Variants in SLC24A2 observed in about 807,000 individuals in gnomAD.
The protein encoded by SLC24A2 is solute carrier family 24 member 2, also known as sodium/potassium/calcium exchanger 2.
In SLC24A2, 36 loss-of-function variants were observed where a neutral mutation model predicts 62.0. The observed-to-expected ratio is 0.58, with a 90% CI of 0.44 to 0.77. The LOEUF is 0.77. SLC24A2 is among the 30% of genes least tolerant of loss of function. The pLI is 0.00. For synonymous variants in SLC24A2, 358 were observed against 294.0 expected, an observed-to-expected ratio of 1.22 and a Z score of -2.23; for missense variants, 846 against 817.9, an observed-to-expected ratio of 1.03 and a Z score of -0.42.
At chr9:20,194,406 T>A in the SLC24A2 span, among the ~76,000 whole-genome samples, 2 of 152,124 alleles carry the variant, frequency 1.3e-5, no homozygotes, top group Admixed American at 6.6e-5. Flanking sequence ...AAGATTACTG[T>A]ACACATTCAG....
chr9:19,535,277 A>G (rs1833903519), intron 8 of SLC24A2, among the ~76,000 whole-genome samples: 1 of 152,170 alleles, frequency 6.6e-6, no homozygotes, highest in African/African-American at 2.4e-5. Flanking sequence ...GATAGATTGC[A>G]AAATTTTTCT....
At chr9:19,724,603 T>C (rs920374383) in intron 2 of SLC24A2, among the ~76,000 whole-genome samples, 5 of 152,168 alleles carry the variant, frequency 3.3e-5, no homozygotes, top group African/African-American at 4.8e-5. Flanking sequence ...TTCAGTAAAA[T>C]AATGCCAAGT....
chr9:19,951,367 C>A, the SLC24A2 span, among the ~76,000 whole-genome samples: 1 of 151,832 alleles, frequency 6.6e-6, no homozygotes, highest in African/African-American at 2.4e-5. Flanking sequence ...CAAAGTCCAA[C>A]TTACCAATTG....
At chr9:19,939,969 C>T in the SLC24A2 span, among the ~76,000 whole-genome samples, 1 of 152,230 alleles carries the variant, frequency 6.6e-6, no homozygotes, top group Non-Finnish European at 1.5e-5. Context: ...TTTTTCTCCA[C>T]CCCAGGCTTT....
At chr9:20,149,303 A>C in the SLC24A2 span, among the ~76,000 whole-genome samples, 1 of 151,988 alleles carries the variant, frequency 6.6e-6, no homozygotes, top group Non-Finnish European at 1.5e-5. Flanking sequence ...AGGCACAACC[A>C]CTGTAATAAT....
chr9:19,861,770 G>T, the SLC24A2 span, among the ~76,000 whole-genome samples: 4 of 152,054 alleles, frequency 2.6e-5, no homozygotes, highest in Non-Finnish European at 5.9e-5. Flanking sequence ...CAGAAATTCT[G>T]GAGTTGAAAA....
At chr9:19,676,030 G>C (rs985647739) in intron 2 of SLC24A2, among the ~76,000 whole-genome samples, 1 of 152,144 alleles carries the variant, frequency 6.6e-6, no homozygotes, top group Non-Finnish European at 1.5e-5. Flanking sequence ...TGGGGACCAA[G>C]AGCCCATAGG....
intron 2 of SLC24A2, among the ~76,000 whole-genome samples, chr9:19,696,002 T>C (rs1480266979): frequency 1.3e-5 from 2 of 152,178 alleles, no homozygotes; most frequent in African/African-American, 4.8e-5. Flanking sequence ...GTCTGTGGCC[T>C]GTTAAGAACC....
chr9:20,251,980 A>T, the SLC24A2 span, among the ~76,000 whole-genome samples: 1 of 152,200 alleles, frequency 6.6e-6, no homozygotes, highest in African/African-American at 2.4e-5. Context: ...AGACTTTGCC[A>T]CATGCTTCAC....
the SLC24A2 span, among the ~76,000 whole-genome samples, chr9:19,844,844 C>T: frequency 6.6e-6 from 1 of 152,062 alleles, no homozygotes; most frequent in East Asian, 1.9e-4. Flanking sequence ...AGCTTTATTT[C>T]TGGGTTCTCT....
the SLC24A2 span, among the ~76,000 whole-genome samples, chr9:20,276,528 G>A: frequency 6.6e-6 from 1 of 152,198 alleles, no homozygotes; most frequent in African/African-American, 2.4e-5. Flanking sequence ...CCAGGTACAT[G>A]GTGAAAGCTG....
the SLC24A2 span, among the ~76,000 whole-genome samples, chr9:19,981,454 T>A: frequency 3.9e-5 from 6 of 152,182 alleles, no homozygotes; most frequent in African/African-American, 1.2e-4. Context: ...CAATGGTCAA[T>A]TCTGTGTGTT....
chr9:19,774,445 C>T (rs1244819916), intron 2 of SLC24A2, among the ~76,000 whole-genome samples: 5 of 152,132 alleles, frequency 3.3e-5, no homozygotes, highest in Non-Finnish European at 7.4e-5. Context: ...TCGGCCGTCT[C>T]GGAAAACTAA....
chr9:20,096,332 T>A, the SLC24A2 span, among the ~76,000 whole-genome samples: 1 of 152,202 alleles, frequency 6.6e-6, no homozygotes, highest in African/African-American at 2.4e-5. Context: ...TCATTCTTTC[T>A]CTCAGGAATA....
At chr9:19,772,290 G>A (rs1180819630) in intron 2 of SLC24A2, among the ~76,000 whole-genome samples, 1 of 152,072 alleles carries the variant, frequency 6.6e-6, no homozygotes, top group South Asian at 2.1e-4. Context: ...TTCCAAGGAC[G>A]AGCTCAAAGG....
At chr9:19,979,742 G>A in the SLC24A2 span, among the ~76,000 whole-genome samples, 1 of 152,050 alleles carries the variant, frequency 6.6e-6, no homozygotes, top group Admixed American at 6.6e-5. Flanking sequence ...CCTCTCCATT[G>A]CCTGAAATTC....
At chr9:19,876,647 A>G in the SLC24A2 span, among the ~76,000 whole-genome samples, 32 of 152,280 alleles carry the variant, frequency 2.1e-4, 1 homozygote, top group African/African-American at 7.5e-4. Flanking sequence ...TGCTATGTTA[A>G]CTAATAGATA....
chr9:19,731,497 T>TTCTCTCTCTC (rs71335449), intron 2 of SLC24A2, among the ~76,000 whole-genome samples: 21 of 148,276 alleles, frequency 1.4e-4, no homozygotes, highest in East Asian at 1.2e-3. Context: ...GAACACTTGT[T>TTCTCTCTCTC]TCTCTCTCTC....
In SLC24A2 at chr9:19,691,080, A is replaced by G. The variant is rs533342877; in HGVS notation, c.931-68781T>C. Among the ~76,000 whole-genome samples the G allele has an allele frequency of 9.8e-5, 15 of 152,312 alleles. No individual in the cohort carries two copies. In the East Asian group the frequency reaches 2.9e-3, roughly 29 times the overall value. On this transcript the variant is annotated intron_variant, in intron 2 of 10. Transcript: ENST00000341998. ...TAATTTCAGGCCCCAGACGTCCAGCACAAGGTGTTCCACTCAATTTTAGTC... is the reference window on the plus strand; with the variant it reads ...TAATTTCAGGCCCCAGACGTCCAGCGCAAGGTGTTCCACTCAATTTTAGTC...
Sources: allele counts gnomAD v4.1 joint callset (sites outside exome capture counted in the v4.1 genomes callset), GRCh38; gene constraint gnomAD v4.1.1; transcripts MANE v1.5; gene names NCBI Gene and HGNC (gene_info 2026-07-23, HGNC 2026-07-21).